CCSER1: variants seen among roughly 807,000 people sequenced by gnomAD.
CCSER1 encodes serine-rich coiled-coil domain-containing protein 1.
Under a neutral mutation model 82.0 loss-of-function variants are expected in CCSER1, and 41 were observed. The ratio of observed to expected loss-of-function variants is 0.50; its 90% CI spans 0.39 to 0.65. The LOEUF (loss-of-function observed/expected upper bound fraction) is 0.65, where lower values mean the gene tolerates loss of function less well. CCSER1 is among the 30% of genes least tolerant of loss of function. CCSER1 has a pLI of 0.00. For synonymous variants in CCSER1, 414 were observed against 383.9 expected (o/e 1.08, Z -0.92); for missense variants, 1,119 against 1,064.2 (o/e 1.05, Z -0.72).
At chr4:90,389,476 T>C (rs1750617001) in intron 3 of CCSER1, among the ~76,000 whole-genome samples, 1 of 152,218 alleles carries the variant, frequency 6.6e-6, no homozygotes, top group Non-Finnish European at 1.5e-5. Flanking sequence ...CTGTTCTTCA[T>C]CAAAATAGTT....
intron 1 of CCSER1, among the ~76,000 whole-genome samples, chr4:90,156,915 T>A (rs35212317): frequency 0.3 from 46,338 of 152,054 alleles, 8,195 homozygotes; most frequent in Non-Finnish European, 0.41. Context: ...ATCCTGTCAT[T>A]ATGATGTTAG....
At position 91,367,941 on chromosome 4, in the gene CCSER1, A is replaced by G. The variant is rs568632659; in HGVS notation, c.2218-230631A>G. ...TTTCAGGAAATGTTTTGAATAATAA[A>G]TGTGTCTTACTTTTTGAGTGGGCTT... On this transcript the variant is annotated intron_variant, in intron 10 of 10. Transcript: ENST00000509176. Among the ~76,000 whole-genome samples, 211 of 152,282 alleles carry G rather than the reference A, an allele frequency of 1.4e-3. 1 individual carries two copies. The highest frequency in any genetic ancestry group is 5.5e-3 in the Admixed American group (84 of 15,298).
intron 5 of CCSER1, among the ~76,000 whole-genome samples, chr4:90,495,658 A>G (rs115044615): frequency 0.015 from 2,256 of 152,308 alleles, 35 homozygotes; most frequent in African/African-American, 0.044. Context: ...GAAATGAACA[A>G]TGATTTATAG....
intron 9 of CCSER1, among the ~76,000 whole-genome samples, chr4:90,974,142 C>G (rs1283972057): frequency 3.3e-5 from 5 of 151,464 alleles, no homozygotes; most frequent in Non-Finnish European, 5.9e-5. Context: ...ATGTAATTTG[C>G]AGCAATGTGA....
At chr4:90,794,795 T>A (rs1314501937) in intron 7 of CCSER1, among the ~76,000 whole-genome samples, 1 of 152,214 alleles carries the variant, frequency 6.6e-6, no homozygotes, top group Non-Finnish European at 1.5e-5. Context: ...TATTCCTATC[T>A]ATGAGCATGG....
At chr4:90,512,274 G>C (rs1185342035) in intron 5 of CCSER1, among the ~76,000 whole-genome samples, 1 of 149,048 alleles carries the variant, frequency 6.7e-6, no homozygotes, top group Non-Finnish European at 1.5e-5. Context: ...ATGGTGCCTT[G>C]TCTCTGGTTG....
At chr4:91,585,310 T>C (rs561959326) in intron 10 of CCSER1, among the ~76,000 whole-genome samples, 1 of 151,588 alleles carries the variant, frequency 6.6e-6, no homozygotes, top group South Asian at 2.1e-4. Context: ...GATAGCCCCA[T>C]ATATGATCCT....
intron 10 of CCSER1, among the ~76,000 whole-genome samples, chr4:91,492,972 A>G (rs1280067453): frequency 6.6e-6 from 1 of 152,048 alleles, no homozygotes; most frequent in Non-Finnish European, 1.5e-5. Flanking sequence ...TACATAGTGT[A>G]GATTATTTTG....
intron 5 of CCSER1, among the ~76,000 whole-genome samples, chr4:90,613,324 G>A (rs1720605485): frequency 6.6e-6 from 1 of 152,154 alleles, no homozygotes; most frequent in African/African-American, 2.4e-5. Context: ...GAAGGGTCCA[G>A]TGCAAAATGA....
intron 9 of CCSER1, among the ~76,000 whole-genome samples, chr4:90,974,615 G>A (rs1050235648): frequency 6.6e-6 from 1 of 151,298 alleles, no homozygotes; most frequent in Non-Finnish European, 1.5e-5. Flanking sequence ...CATGACAAGA[G>A]TCTCAGCACC....
At chr4:90,335,504 GAAT>G (rs1740212141) in intron 3 of CCSER1, among the ~76,000 whole-genome samples, 1 of 152,064 alleles carries the variant, frequency 6.6e-6, no homozygotes, top group African/African-American at 2.4e-5. Flanking sequence ...TAATACCTAA[GAAT>G]ATGAGCTTTC....
chr4:91,394,900 C>T (rs1751875052), intron 10 of CCSER1, among the ~76,000 whole-genome samples: 1 of 151,606 alleles, frequency 6.6e-6, no homozygotes, highest in East Asian at 1.9e-4. Flanking sequence ...CATTTTTTCA[C>T]ATCCTCTGTG....
At chr4:91,188,705 A>C (rs1342589877) in intron 10 of CCSER1, among the ~76,000 whole-genome samples, 1 of 152,174 alleles carries the variant, frequency 6.6e-6, no homozygotes, top group Non-Finnish European at 1.5e-5. Context: ...ATACTCTAAA[A>C]ATATTACTTA....
intron 10 of CCSER1, among the ~76,000 whole-genome samples, chr4:91,161,109 C>CTT (rs1731347164): frequency 1.3e-5 from 2 of 152,116 alleles, no homozygotes; most frequent in Non-Finnish European, 2.9e-5. Context: ...CCAGTTTCAG[C>CTT]TTTCCACATA....
chr4:90,448,691 CA>C, intron 4 of CCSER1, among the ~76,000 whole-genome samples: 1 of 151,738 alleles, frequency 6.6e-6, no homozygotes, highest in East Asian at 1.9e-4. Context: ...CCTGGGGAAT[CA>C]AAATCTATTT....
intron 8 of CCSER1, among the ~76,000 whole-genome samples, chr4:90,890,650 G>A (rs1313485109): frequency 6.6e-6 from 1 of 152,120 alleles, no homozygotes; most frequent in Non-Finnish European, 1.5e-5. Flanking sequence ...GTGGGATGAA[G>A]CCAAAGCCAC....
chr4:90,278,452 TAAAGAA>T, intron 1 of CCSER1, among the ~76,000 whole-genome samples: 1 of 151,990 alleles, frequency 6.6e-6, no homozygotes, highest in East Asian at 1.9e-4. Flanking sequence ...GTGGATTGGA[TAAAGAA>T]AATGTGGTCC....
intron 5 of CCSER1, among the ~76,000 whole-genome samples, chr4:90,571,007 A>C (rs1290246249): frequency 1.3e-5 from 2 of 152,216 alleles, no homozygotes; most frequent in African/African-American, 4.8e-5. Flanking sequence ...TAATCAGAGA[A>C]ATGCAAATCA....
intron 10 of CCSER1, among the ~76,000 whole-genome samples, chr4:91,274,321 G>A (rs914697839): frequency 6.6e-6 from 1 of 152,030 alleles, no homozygotes; most frequent in East Asian, 1.9e-4. Context: ...TCCTTTCCTT[G>A]TGTCAGAACA....
Sources: gnomAD v4.1 joint callset for allele counts (sites outside exome capture counted in the v4.1 genomes callset) on GRCh38, gnomAD v4.1.1 for gene constraint, MANE v1.5 for transcripts, NCBI Gene and HGNC (gene_info 2026-07-23, HGNC 2026-07-21) for gene names.